FOCAD: variants seen among roughly 807,000 people sequenced by gnomAD.
The protein encoded by FOCAD is focadhesin.
FOCAD carries 198 observed loss-of-function variants against 225.6 expected under a neutral mutation model. That is an observed-to-expected ratio of 0.88 (90% confidence interval 0.78 to 0.99). The LOEUF (loss-of-function observed/expected upper bound fraction) is 0.99, where lower values mean the gene tolerates loss of function less well. Ranked by LOEUF, FOCAD falls within the 50% of genes least tolerant of loss-of-function variation. The probability of loss-of-function intolerance (pLI) is 0.00; values close to 1 mark genes in which losing one functional copy is unlikely to be tolerated. For missense variants in FOCAD, 2,713 were observed against 2,123.6 expected (o/e 1.28, Z -5.46); for synonymous variants, 897 against 755.0 (o/e 1.19, Z -3.08).
intron 27 of FOCAD, among the ~76,000 whole-genome samples, chr9:20,930,016 G>C (rs945169941): frequency 1.3e-5 from 2 of 152,186 alleles, no homozygotes; most frequent in African/African-American, 4.8e-5. Context: ...TATCTCTAGT[G>C]CCTAAGGGGT....
At chr9:20,749,729 G>A (rs987393354) in intron 5 of FOCAD, among the ~76,000 whole-genome samples, 2 of 152,162 alleles carry the variant, frequency 1.3e-5, no homozygotes, top group East Asian at 1.9e-4. Flanking sequence ...TGTGTCTGTC[G>A]CTGAATTTAT....
At position 20,953,100 on chromosome 9, in the gene FOCAD, A is replaced by C. The variant is rs753165512; in HGVS notation, c.4132+35A>C. ...CACATTTCTTGAATTTTATCATTCT[A>C]TCTCCATGTTGTTATAAGTAAATTT... On this transcript the variant is annotated intron_variant, in intron 35 of 43. Coordinates refer to ENST00000338382, the MANE Select transcript of FOCAD (RefSeq NM_001375567.1). 27 of 1,530,896 alleles carry C rather than the reference A, an allele frequency of 1.8e-5. 1 individual carries two copies. In the South Asian group the frequency reaches 3.0e-4, roughly 17 times the overall value. 94.8% of individuals were successfully genotyped at this position (1,530,896 alleles called of 1,614,324 possible). A position where few individuals can be genotyped will look rare whatever the true frequency, so the allele number is the denominator to read the frequency against.
At chr9:20,979,229 C>T (rs1457889449) in intron 37 of FOCAD, among the ~76,000 whole-genome samples, 1 of 152,214 alleles carries the variant, frequency 6.6e-6, no homozygotes, top group Non-Finnish European at 1.5e-5. Context: ...TCTCCATAAT[C>T]TGGACTATTC....
rs1237101470 is a variant in FOCAD at position 20,800,893 on chromosome 9, A to AG, written c.1455+11286dup. 5.9e-5 allele frequency among the ~76,000 whole-genome samples: 9 copies of AG among 152,152 alleles called. 1 individual carries two copies. In the South Asian group the frequency reaches 1.7e-3, roughly 28 times the overall value. Reference sequence around the variant, plus strand: ...CAGCTTTGTTCTGTTGCTGGTGAGGAGCTGCATTCCTTTGGAGGAGGAGAG... The same window carrying AG: ...CAGCTTTGTTCTGTTGCTGGTGAGGAGGCTGCATTCCTTTGGAGGAGGAGAG... On this transcript the variant is annotated intron_variant, in intron 11 of 43. Transcript: ENST00000338382.
intron 21 of FOCAD, among the ~76,000 whole-genome samples, chr9:20,896,817 G>A (rs1341540467): frequency 6.6e-6 from 1 of 151,772 alleles, no homozygotes; most frequent in African/African-American, 2.4e-5. Context: ...TTCAGAATGT[G>A]GTCAGTATTG....
intron 35 of FOCAD, among the ~76,000 whole-genome samples, chr9:20,975,616 A>T (rs956960514): frequency 2.0e-5 from 3 of 152,228 alleles, no homozygotes; most frequent in Non-Finnish European, 4.4e-5. Context: ...AAAAGAAGTT[A>T]CTTAATTTGG....
At chr9:20,672,558 C>G (rs1202624014) in intron 2 of FOCAD, among the ~76,000 whole-genome samples, 1 of 151,974 alleles carries the variant, frequency 6.6e-6, no homozygotes, top group Non-Finnish European at 1.5e-5. Flanking sequence ...TCACGCCATT[C>G]TCCTGCCTCA....
intron 15 of FOCAD, among the ~76,000 whole-genome samples, chr9:20,856,153 A>AT (rs972599480): frequency 3.3e-5 from 5 of 151,812 alleles, no homozygotes; most frequent in South Asian, 2.1e-4. Context: ...TCTATTTTTA[A>AT]TTTTTTTGAG....
At chr9:20,730,961 C>T (rs138280692) in intron 4 of FOCAD, among the ~76,000 whole-genome samples, 5 of 152,186 alleles carry the variant, frequency 3.3e-5, no homozygotes, top group Middle Eastern at 3.4e-3. Flanking sequence ...TCTGGCTGAG[C>T]GCAGTGGCTC....
upstream of FOCAD, among the ~76,000 whole-genome samples, chr9:20,656,035 C>T (rs1458000443): frequency 6.6e-6 from 1 of 151,578 alleles, no homozygotes; most frequent in East Asian, 1.9e-4. Flanking sequence ...TTGTTATGTA[C>T]CCAGTAGTCA....
chr9:20,946,620 G>T (rs1837208191), intron 29 of FOCAD, 81 bp from the exon 30 acceptor site: 12 of 1,484,664 alleles, frequency 8.1e-6, no homozygotes, highest in Non-Finnish European at 9.1e-6. Flanking sequence ...GGGGGAGTTT[G>T]ACAGAATATC....
At chr9:20,862,792 C>G in intron 16 of FOCAD, 80 bp downstream of exon 16, 1 of 1,482,508 alleles carries the variant, frequency 6.7e-7, no homozygotes, top group East Asian at 2.3e-5. Context: ...AATAAATATT[C>G]CTAATCTGTT....
chr9:20,768,038 C>G lies in FOCAD; in HGVS notation c.700-1994C>G, dbSNP rs7389361. Among the ~76,000 whole-genome samples, 1,054 of 150,512 alleles carry G rather than the reference C, an allele frequency of 7.0e-3. 9 individuals carry two copies. Among genetic ancestry groups the G allele is most frequent in the African/African-American group, 0.024 (976 of 41,068 alleles). ...GGAAGGGATCCAGTTACAGCTTTCT[C>G]CATATGGCTAGCCAGTTTTCCCAGC... On this transcript the variant is annotated intron_variant, in intron 7 of 43. Transcript: ENST00000338382.
chr9:20,995,452 T>G, intron 43 of FOCAD, 104 bp from the exon 44 acceptor site: 1 of 837,562 alleles, frequency 1.2e-6, no homozygotes, highest in South Asian at 1.5e-5. Flanking sequence ...AACTCCCTAG[T>G]CTTGAACATT....
chr9:20,926,430 A>C lies in FOCAD; in HGVS notation c.3078+13A>C, dbSNP rs775107197. The C allele has an allele frequency of 6.7e-7, 1 of 1,484,738 alleles. No individual in the cohort carries two copies. The highest frequency in any genetic ancestry group is 9.4e-7 in the Non-Finnish European group (1 of 1,063,240). 92.0% of individuals were successfully genotyped at this position (1,484,738 alleles called of 1,614,324 possible). On this transcript the variant is annotated intron_variant, in intron 26 of 43. Coordinates refer to ENST00000338382, the MANE Select transcript of FOCAD (RefSeq NM_001375567.1). ...CTGGTTTTATTATGTAAGTGCAAAA[A>C]ATAAAAAATGATCAGAAAACTCAAG...
Position 20,720,442 on chromosome 9 carries a change from C to G in FOCAD, c.195C>G (p.Ala65=), listed in dbSNP as rs749421307. The change falls in exon 4 of 44, where the codon GCC becomes GCG. Residue 65 remains alanine, a synonymous_variant. Transcript: ENST00000338382. ...CCSDNVVVRT[A]CCEGLVALVA... is the part of the protein sequence containing the mutation. ...GTGACAATGTAGTGGTTCGAACAGCCTGCTGTGAAGGTCTGGTGGCACTCG... is the reference window on the plus strand; with the variant it reads ...GTGACAATGTAGTGGTTCGAACAGCGTGCTGTGAAGGTCTGGTGGCACTCG... The G allele has an allele frequency of 6.2e-7, 1 of 1,614,084 alleles. No individual in the cohort carries two copies. The highest frequency in any genetic ancestry group is 1.1e-5 in the South Asian group (1 of 91,078).
At chr9:20,684,889 G>C (rs1057289233) in intron 1 of FOCAD, among the ~76,000 whole-genome samples, 1 of 152,244 alleles carries the variant, frequency 6.6e-6, no homozygotes, top group Non-Finnish European at 1.5e-5. Flanking sequence ...TGAAGAAAGA[G>C]TATGTTAGAT....
chr9:20,670,160 C>T (rs978357177), intron 2 of FOCAD, among the ~76,000 whole-genome samples: 5 of 152,074 alleles, frequency 3.3e-5, no homozygotes. Context: ...TTATTAGGGG[C>T]CCAAGGCCTG....
intron 8 of FOCAD, among the ~76,000 whole-genome samples, chr9:20,777,273 C>G (rs1459544598): frequency 1.4e-5 from 2 of 142,046 alleles, no homozygotes; most frequent in Admixed American, 7.0e-5. Context: ...ACATGTGGCT[C>G]TAACTTACAG....
Sources: allele counts gnomAD v4.1 joint callset (sites outside exome capture counted in the v4.1 genomes callset), GRCh38; gene constraint gnomAD v4.1.1; transcripts MANE v1.5; gene names NCBI Gene and HGNC (gene_info 2026-07-23, HGNC 2026-07-21).